PDE8A: variants seen among roughly 807,000 people sequenced by gnomAD.
PDE8A encodes the protein high affinity cAMP-specific and IBMX-insensitive 3',5'-cyclic phosphodiesterase 8A.
In PDE8A, 59 loss-of-function variants were observed where a neutral mutation model predicts 105.0. The ratio of observed to expected loss-of-function variants is 0.56; its 90% CI spans 0.46 to 0.70. The LOEUF (loss-of-function observed/expected upper bound fraction) is 0.70, where lower values mean the gene tolerates loss of function less well. PDE8A is among the 30% of genes least tolerant of loss of function. The pLI is 0.00. For missense variants in PDE8A, 1,014 were observed against 1,045.9 expected, an observed-to-expected ratio of 0.97 and a Z score of 0.42; for synonymous variants, 355 against 371.9, an observed-to-expected ratio of 0.95 and a Z score of 0.52.
chr15:85,099,259 G>A (rs2081815660), intron 9 of PDE8A, among the ~76,000 whole-genome samples: 3 of 152,190 alleles, frequency 2.0e-5, no homozygotes, highest in Admixed American at 2.0e-4. Context: ...GCTTAGAGAG[G>A]TCAGGTTTCT....
chr15:85,123,923 T>C (rs1472909200), intron 19 of PDE8A, among the ~76,000 whole-genome samples: 1 of 152,224 alleles, frequency 6.6e-6, no homozygotes, highest in African/African-American at 2.4e-5. Context: ...TCCTGCACCC[T>C]TCCTCACTAA....
intron 15 of PDE8A, chr15:85,115,769 A>AC (rs2082086423): frequency 3.7e-6 from 2 of 546,744 alleles, no homozygotes; most frequent in Non-Finnish European, 6.4e-6. Flanking sequence ...AAAATACAAA[A>AC]AATTAGCCAG....
In PDE8A at chr15:85,136,538, A is replaced by G; in HGVS notation, c.2258A>G (p.Asp753Gly). 15 of 1,613,074 alleles carry G rather than the reference A, an allele frequency of 9.3e-6. No homozygotes were observed. The highest frequency in any genetic ancestry group is 1.2e-5 in the Non-Finnish European group (14 of 1,179,570). ...RISEEYFSQT[D>G]EEKQQGLPVV... ...ATCACATTTTCTGCTTTACAGACTG[A>G]TGAAGAGAAGCAGCAGGGCTTACCT... is the stretch of plus-strand genomic sequence containing the variant. Residue 753 changes from aspartate (D) to glycine (G), a missense_variant, in exon 21 of 22, where the codon GAT becomes GGT. By Grantham distance (94) the Asp-to-Gly change is moderately conservative. Transcript: ENST00000394553.
chr15:85,101,691 G>A (rs1041253462), intron 11 of PDE8A, among the ~76,000 whole-genome samples: 1 of 152,176 alleles, frequency 6.6e-6, no homozygotes, highest in Non-Finnish European at 1.5e-5. Context: ...GCATTGCCAT[G>A]GTCGAGAGGA....
At chr15:85,047,447 T>G (rs1253718382) in intron 1 of PDE8A, among the ~76,000 whole-genome samples, 1 of 152,176 alleles carries the variant, frequency 6.6e-6, no homozygotes, top group African/African-American at 2.4e-5. Flanking sequence ...CTCTGCTCCA[T>G]AGAGGTCCTG....
intron 5 of PDE8A, among the ~76,000 whole-genome samples, chr15:85,078,910 C>T (rs1343226983): frequency 6.6e-6 from 1 of 152,120 alleles, no homozygotes; most frequent in Non-Finnish European, 1.5e-5. Flanking sequence ...ATTGTTTAAC[C>T]TTTCTTTTGG....
intron 1 of PDE8A, among the ~76,000 whole-genome samples, chr15:85,051,592 C>T (rs1170942788): frequency 1.3e-5 from 2 of 152,120 alleles, no homozygotes; most frequent in Non-Finnish European, 2.9e-5. Context: ...AGCCCAGCAC[C>T]TATTAGCTAT....
intron 1 of PDE8A, among the ~76,000 whole-genome samples, chr15:85,019,738 C>G (rs2080389512): frequency 6.6e-6 from 1 of 151,982 alleles, no homozygotes; most frequent in Non-Finnish European, 1.5e-5. Context: ...CACCACCACA[C>G]CTGGCTAATT....
At chr15:85,137,114 G>A (rs542591498) in intron 21 of PDE8A, among the ~76,000 whole-genome samples, 1 of 152,234 alleles carries the variant, frequency 6.6e-6, no homozygotes, top group Admixed American at 6.5e-5. Flanking sequence ...AAAGAATATC[G>A]GAGAACTGAT....
At chr15:85,026,539 C>T (rs940738408) in intron 1 of PDE8A, among the ~76,000 whole-genome samples, 10 of 152,060 alleles carry the variant, frequency 6.6e-5, no homozygotes, top group African/African-American at 2.4e-4. Flanking sequence ...ACTTCTGTTC[C>T]GGATTTGTGG....
At chr15:85,022,023 AT>A (rs2080434850) in intron 1 of PDE8A, among the ~76,000 whole-genome samples, 2 of 152,214 alleles carry the variant, frequency 1.3e-5, no homozygotes, top group African/African-American at 2.4e-5. Flanking sequence ...ATGGGGAAGT[AT>A]TTTAAGACTA....
chr15:85,003,032 AT>A (rs1032276275), intron 1 of PDE8A, among the ~76,000 whole-genome samples: 41 of 148,464 alleles, frequency 2.8e-4, no homozygotes, highest in South Asian at 6.4e-4. Context: ...GATGTCATGA[AT>A]TTTTTTTTTT....
At chr15:85,096,726 C>T (rs1473948260) in intron 8 of PDE8A, among the ~76,000 whole-genome samples, 2 of 152,144 alleles carry the variant, frequency 1.3e-5, no homozygotes, top group Non-Finnish European at 2.9e-5. Context: ...CAGAACTGTA[C>T]CAAGGCCCAT....
chr15:84,997,669 C>T (rs4980340), intron 1 of PDE8A, among the ~76,000 whole-genome samples: 34,356 of 151,980 alleles, frequency 0.23, 5,078 homozygotes, highest in Middle Eastern at 0.36. Context: ...CTTGGCTCAC[C>T]GCAATCCCTG....
intron 1 of PDE8A, among the ~76,000 whole-genome samples, chr15:84,999,412 C>G (rs774840683): frequency 6.6e-6 from 1 of 151,560 alleles, no homozygotes; most frequent in Non-Finnish European, 1.5e-5. Flanking sequence ...CGTGAGCCAC[C>G]GCGCCTGGCC....
chr15:85,089,414 CAG>C lies in PDE8A; in HGVS notation c.713_714del (p.Gln238LeufsTer7). ...IEITSEDRFIQYANPAFETTM... is the reference protein window; with the variant it reads ...IEITSEDRFIXYANPAFETTM... ...AATTACAAGCGAAGACCGTTTTATACAGGTTTGTTATTTTGGAAATCTGTCTT... is the reference window on the plus strand; with the variant it reads ...AATTACAAGCGAAGACCGTTTTATACGTTTGTTATTTTGGAAATCTGTCTT... On this transcript the variant is annotated frameshift_variant and splice_region_variant, in exon 7 of 22. Transcript: ENST00000394553. LOFTEE classifies it high-confidence loss of function. 1 of 1,552,018 alleles carries C rather than the reference CAG, an allele frequency of 6.4e-7. No homozygotes were observed. The highest frequency in any genetic ancestry group is 8.9e-7 in the Non-Finnish European group (1 of 1,129,022).
chr15:84,997,380 G>C (rs2079997033), intron 1 of PDE8A, among the ~76,000 whole-genome samples: 1 of 151,792 alleles, frequency 6.6e-6, no homozygotes, highest in Non-Finnish European at 1.5e-5. Flanking sequence ...TTTTTTTGTA[G>C]AGATGGGGTC....
At chr15:85,062,735 T>G (rs1465415057) in intron 1 of PDE8A, 3 of 152,200 alleles carry the variant, frequency 2.0e-5, no homozygotes, top group African/African-American at 7.2e-5. Context: ...GAGCTAAAAT[T>G]AACTGCGGTT....
intron 1 of PDE8A, among the ~76,000 whole-genome samples, chr15:85,055,438 G>A (rs2081044973): frequency 1.3e-5 from 2 of 152,054 alleles, no homozygotes; most frequent in South Asian, 2.1e-4. Flanking sequence ...TTATTGTGTG[G>A]GAGTCTAAGT....
Sources: allele counts gnomAD v4.1 joint callset (sites outside exome capture counted in the v4.1 genomes callset), GRCh38; gene constraint gnomAD v4.1.1; transcripts MANE v1.5; gene names NCBI Gene and HGNC (gene_info 2026-07-23, HGNC 2026-07-21).